Variants in KAT14 observed in about 807,000 individuals in gnomAD.
The protein encoded by KAT14 is lysine acetyltransferase 14.
Under a neutral mutation model 78.4 loss-of-function variants are expected in KAT14, and 66 were observed. The observed-to-expected ratio is 0.84, with a 90% CI of 0.69 to 1.03. The LOEUF (loss-of-function observed/expected upper bound fraction) is 1.03. Among genes scored for constraint, KAT14 ranks in the 50% least tolerant of loss-of-function variants. The pLI is 0.00. For synonymous variants in KAT14, 344 were observed against 359.4 expected, an observed-to-expected ratio of 0.96 and a Z score of 0.48; for missense variants, 870 against 972.5, an observed-to-expected ratio of 0.89 and a Z score of 1.40.
Position 18,145,307 on chromosome 20 carries a change from G to T in KAT14, c.334G>T (p.Asp112Tyr). The T allele has an allele frequency of 2.5e-6, 4 of 1,614,206 alleles. No homozygotes were observed. The highest frequency in any genetic ancestry group is 3.4e-6 in the Non-Finnish European group (4 of 1,180,038). Residue 112 changes from aspartate (D) to tyrosine (Y), a missense_variant, in exon 3 of 11, where the codon GAT (aspartate) becomes TAT (tyrosine). Transcript: ENST00000688188. ...GTTTACTTGTTCGGATTGCTCAGCA[G>T]ATGGCAAGGAGCAGTATGAAAGGCT... ...FRFTCSDCSA[D>Y]GKEQYERLKL...
intron 3 of KAT14, among the ~76,000 whole-genome samples, chr20:18,147,776 G>C (rs1261019289): frequency 1.3e-5 from 2 of 152,052 alleles, no homozygotes; most frequent in Non-Finnish European, 2.9e-5. Context: ...AGTAGAGATG[G>C]GGTTTTGCCA....
chr20:18,168,294 G>A (rs373252439), intron 7 of KAT14, among the ~76,000 whole-genome samples: 3 of 152,162 alleles, frequency 2.0e-5, no homozygotes, highest in East Asian at 1.9e-4. Flanking sequence ...TTGGGAGGTC[G>A]AGGCAGGCAG....
At chr20:18,141,201 T>C (rs1467414090) in intron 1 of KAT14, among the ~76,000 whole-genome samples, 1 of 151,770 alleles carries the variant, frequency 6.6e-6, no homozygotes, top group African/African-American at 2.4e-5. Flanking sequence ...CTTTAGAGTA[T>C]TTTGTGAGCA....
At chr20:18,178,041 GAGGTTGT>G (rs1285887398) in intron 7 of KAT14, among the ~76,000 whole-genome samples, 24 of 151,866 alleles carry the variant, frequency 1.6e-4, no homozygotes, top group African/African-American at 5.8e-4. Flanking sequence ...CTGGGAGGCA[GAGGTTGT>G]AGTGAGCCAA....
chr20:18,155,128 A>C (rs1292320617), intron 4 of KAT14, among the ~76,000 whole-genome samples: 3 of 152,104 alleles, frequency 2.0e-5, no homozygotes, highest in Non-Finnish European at 4.4e-5. Context: ...CAGGTGATCC[A>C]CCCGCCTGGC....
chr20:18,166,236 C>T (rs1047134596), intron 7 of KAT14, among the ~76,000 whole-genome samples: 10 of 152,170 alleles, frequency 6.6e-5, no homozygotes, highest in African/African-American at 1.7e-4. Flanking sequence ...GCACTTGGGT[C>T]GTCCTTACTG....
At chr20:18,149,317 T>A (rs148005970) in intron 3 of KAT14, among the ~76,000 whole-genome samples, 4,269 of 152,046 alleles carry the variant, frequency 0.028, 98 homozygotes, top group Non-Finnish European at 0.045. Context: ...CCTCCAGAAT[T>A]TTTTTATCTT....
At position 18,162,937 on chromosome 20, in the gene KAT14, C is replaced by G. The variant is rs762552568; in HGVS notation, c.1660C>G (p.Arg554Gly). 8 of 1,613,484 alleles carry G rather than the reference C, an allele frequency of 5.0e-6. No individual in the cohort carries two copies. The highest frequency in any genetic ancestry group is 6.8e-6 in the Non-Finnish European group (8 of 1,179,780). The change falls in exon 7 of 11, where the codon CGA becomes GGA. Residue 554 changes from arginine (R) to glycine (G), a missense_variant. Physicochemically the swap from Arg to Gly is moderately radical, Grantham distance 125. Coordinates refer to ENST00000688188, the MANE Select transcript of KAT14 (RefSeq NM_001392073.1). ...TTCQDFRILDRYQTSLPSRKG... is the reference protein window; with the variant it reads ...TTCQDFRILDGYQTSLPSRKG... ...CTGTCAGGACTTCAGAATCCTTGAC[C>G]GATACCAGGTGAATGCAAGCACTTG...
At chr20:18,187,245 C>A (rs200127310) in intron 10 of KAT14, 41 bp from the exon 11 acceptor site, 110 of 1,561,598 alleles carry the variant, frequency 7.0e-5, no homozygotes, top group Non-Finnish European at 8.5e-5. Flanking sequence ...TTCCCTCAGG[C>A]CTTTCCATTT....
rs1202758492 is a variant in KAT14 at position 18,137,957 on chromosome 20, T to C, written c.-548T>C. On this transcript the variant is annotated 5_prime_UTR_variant, in exon 1 of 11. An upstream start codon of the reference 5' UTR is lost. Transcript: ENST00000688188. ...GAGGCCGCGGCCGCCAGCGTGGGGA[T>C]GTCTAGGAGCTCGAAGGTGGTGCTG... is the stretch of plus-strand genomic sequence containing the variant. 8 of 1,487,868 alleles carry C rather than the reference T, an allele frequency of 5.4e-6. No homozygotes were observed. Among genetic ancestry groups the C allele is most frequent in the Non-Finnish European group, 6.2e-6 (7 of 1,126,566 alleles). The allele number at this position is 1,487,868 out of a possible 1,614,324, so 92.2% of individuals were successfully genotyped here. A position where few individuals can be genotyped will look rare whatever the true frequency, so the allele number is the denominator to read the frequency against.
intron 8 of KAT14, among the ~76,000 whole-genome samples, chr20:18,182,214 G>A (rs747567365): frequency 1.7e-4 from 26 of 151,480 alleles, no homozygotes; most frequent in Non-Finnish European, 2.5e-4. Flanking sequence ...CTCTGCCTCC[G>A]GGGTTCAGGG....
At chr20:18,150,998 A>G (rs2038016706) in intron 4 of KAT14, 56 bp downstream of exon 4, 7 of 1,596,192 alleles carry the variant, frequency 4.4e-6, no homozygotes, top group African/African-American at 1.3e-5. Context: ...AATGAAGTAT[A>G]CAGGATTTGA....
intron 7 of KAT14, among the ~76,000 whole-genome samples, chr20:18,166,679 T>G (rs1460192955): frequency 6.6e-6 from 1 of 152,236 alleles, no homozygotes; most frequent in African/African-American, 2.4e-5. Flanking sequence ...GGATCTCCCC[T>G]CTCTGGAGAT....
intron 2 of KAT14, chr20:18,143,244 G>T: frequency 2.2e-6 from 2 of 914,056 alleles, no homozygotes; most frequent in Non-Finnish European, 2.7e-6. Context: ...TCCAGTCCCA[G>T]TGTTGAATTC....
intron 7 of KAT14, among the ~76,000 whole-genome samples, chr20:18,177,738 G>T (rs757575751): frequency 6.6e-6 from 1 of 152,060 alleles, no homozygotes; most frequent in African/African-American, 2.4e-5. Context: ...CCAACCCTTC[G>T]CAAACAACTT....
intron 2 of KAT14, 173 bp from the exon 3 acceptor site, chr20:18,145,060 A>C: frequency 7.2e-7 from 1 of 1,392,188 alleles, no homozygotes; most frequent in Non-Finnish European, 9.3e-7. Flanking sequence ...ACTTGGTGTT[A>C]GAAGAATAGA....
intron 4 of KAT14, among the ~76,000 whole-genome samples, chr20:18,157,508 G>A (rs1324994056): frequency 1.3e-5 from 2 of 152,156 alleles, no homozygotes; most frequent in African/African-American, 4.8e-5. Flanking sequence ...CAGTTCAGTG[G>A]TGTTAAGTAT....
At chr20:18,178,695 G>A (rs2039136762) in intron 7 of KAT14, among the ~76,000 whole-genome samples, 1 of 152,104 alleles carries the variant, frequency 6.6e-6, no homozygotes, top group Non-Finnish European at 1.5e-5. Flanking sequence ...TGGGAATTAT[G>A]GGAATACAAT....
At chr20:18,151,250 G>A (rs1015846997) in intron 4 of KAT14, among the ~76,000 whole-genome samples, 1 of 152,080 alleles carries the variant, frequency 6.6e-6, no homozygotes, top group African/African-American at 2.4e-5. Flanking sequence ...AGGCTAGAGT[G>A]CAGTGGCGTG....
Sources: allele counts gnomAD v4.1 joint callset (sites outside exome capture counted in the v4.1 genomes callset), GRCh38; gene constraint gnomAD v4.1.1; transcripts MANE v1.5; gene names NCBI Gene and HGNC (gene_info 2026-07-23, HGNC 2026-07-21).